Variants in CDH13 observed in about 807,000 individuals in gnomAD.
CDH13 encodes cadherin 13, also known as cadherin-13.
In CDH13, 24 loss-of-function variants were observed where a neutral mutation model predicts 63.8. The observed-to-expected ratio is 0.38, with a 90% CI of 0.27 to 0.53. The LOEUF (loss-of-function observed/expected upper bound fraction) is 0.53, where lower values mean the gene tolerates loss of function less well. CDH13 is among the 20% of genes least tolerant of loss of function. The probability of loss-of-function intolerance (pLI) is 0.85; values close to 1 mark genes in which losing one functional copy is unlikely to be tolerated. For synonymous variants in CDH13, 503 were observed against 355.3 expected (o/e 1.42, Z -4.67); for missense variants, 1,049 against 903.1 (o/e 1.16, Z -2.07).
At chr16:83,137,168 A>G (rs897731113) in intron 4 of CDH13, among the ~76,000 whole-genome samples, 1 of 152,208 alleles carries the variant, frequency 6.6e-6, no homozygotes. Context: ...AGCTGGTCTC[A>G]TGCCCAGTTT....
At chr16:83,121,977 C>CACAG (rs1555596206) in intron 3 of CDH13, among the ~76,000 whole-genome samples, 3 of 151,992 alleles carry the variant, frequency 2.0e-5, no homozygotes, top group Admixed American at 6.6e-5. Context: ...CACACACACA[C>CACAG]ACACACACAC....
At chr16:83,323,295 G>T (rs2090282689) in intron 5 of CDH13, among the ~76,000 whole-genome samples, 6 of 113,822 alleles carry the variant, frequency 5.3e-5, no homozygotes, top group South Asian at 6.7e-4. Context: ...TTTTTTTTAA[G>T]AGGGAGTTTC....
intron 5 of CDH13, among the ~76,000 whole-genome samples, chr16:83,328,154 T>C (rs902737959): frequency 7.0e-6 from 1 of 143,686 alleles, no homozygotes; most frequent in Non-Finnish European, 1.5e-5. Flanking sequence ...AGAAAAAAAA[T>C]TGAGACCTCT....
chr16:83,657,200 G>A (rs1177301245), intron 8 of CDH13, among the ~76,000 whole-genome samples: 1 of 152,190 alleles, frequency 6.6e-6, no homozygotes, highest in East Asian at 1.9e-4. Flanking sequence ...CCATATGAGT[G>A]ATGTAAAGGG....
chr16:82,845,149 A>G (rs2039205387), intron 1 of CDH13, among the ~76,000 whole-genome samples: 2 of 152,136 alleles, frequency 1.3e-5, no homozygotes, highest in South Asian at 2.1e-4. Flanking sequence ...GAACCAATAT[A>G]TTAAGGAATC....
chr16:83,597,167 G>C (rs1049074466), intron 7 of CDH13, among the ~76,000 whole-genome samples: 5 of 152,124 alleles, frequency 3.3e-5, no homozygotes, highest in Non-Finnish European at 5.9e-5. Context: ...AGGCTGCAGT[G>C]AGCTGTGATC....
chr16:82,757,262 G>C (rs1198439778), intron 1 of CDH13, among the ~76,000 whole-genome samples: 2 of 152,202 alleles, frequency 1.3e-5, no homozygotes, highest in Admixed American at 6.5e-5. Context: ...CTTGATGTAC[G>C]CACTTTGAAG....
At chr16:82,843,187 T>A (rs1016855651) in intron 1 of CDH13, among the ~76,000 whole-genome samples, 1 of 152,240 alleles carries the variant, frequency 6.6e-6, no homozygotes, top group South Asian at 2.1e-4. Flanking sequence ...TGTTCTGTGT[T>A]TCTTGAAGAT....
intron 1 of CDH13, among the ~76,000 whole-genome samples, chr16:82,761,879 G>C (rs2034870493): frequency 6.6e-6 from 1 of 151,954 alleles, no homozygotes; most frequent in Non-Finnish European, 1.5e-5. Context: ...CATCCTAGTA[G>C]GAAAAATATC....
At chr16:83,624,399 T>C (rs1231537785) in intron 8 of CDH13, among the ~76,000 whole-genome samples, 1 of 151,236 alleles carries the variant, frequency 6.6e-6, no homozygotes, top group Non-Finnish European at 1.5e-5. Context: ...ACCGGTTTCG[T>C]AGAACACAAT....
chr16:83,634,325 GT>G (rs1052849845), intron 8 of CDH13, among the ~76,000 whole-genome samples: 5 of 151,564 alleles, frequency 3.3e-5, no homozygotes, highest in African/African-American at 1.2e-4. Flanking sequence ...TTATTAACCT[GT>G]TCTCCACCTG....
intron 10 of CDH13, among the ~76,000 whole-genome samples, chr16:83,744,975 C>A (rs1233220804): frequency 6.6e-6 from 1 of 152,202 alleles, no homozygotes; most frequent in African/African-American, 2.4e-5. Context: ...CGAATCCCAA[C>A]CATGCCCCAT....
intron 7 of CDH13, among the ~76,000 whole-genome samples, chr16:83,504,733 G>A (rs1316631275): frequency 2.0e-5 from 3 of 152,166 alleles, no homozygotes; most frequent in African/African-American, 7.2e-5. Flanking sequence ...ACTGGTGTTA[G>A]GGCAGATAAT....
chr16:82,791,951 G>A (rs1273860001), intron 1 of CDH13, among the ~76,000 whole-genome samples: 5 of 152,144 alleles, frequency 3.3e-5, no homozygotes, highest in African/African-American at 1.2e-4. Context: ...CATCTTGGGA[G>A]CTCTAAGAAC....
Position 82,924,988 on chromosome 16 carries a change from G to A in CDH13, c.157+66515G>A, listed in dbSNP as rs569666784. 1.1e-4 allele frequency among the ~76,000 whole-genome samples: 16 copies of A among 152,182 alleles called. No individual in the cohort carries two copies. In the East Asian group the frequency reaches 2.1e-3, roughly 20 times the overall value. On this transcript the variant is annotated intron_variant, in intron 2 of 13. Coordinates refer to ENST00000567109, the MANE Select transcript of CDH13 (RefSeq NM_001257.5). ...AAACTTCGCATGAGACTTTAGAACC[G>A]TATACGAATAATACTCTGATTACTG...
intron 5 of CDH13, among the ~76,000 whole-genome samples, chr16:83,228,482 C>G (rs1361158953): frequency 6.6e-6 from 1 of 152,166 alleles, no homozygotes; most frequent in African/African-American, 2.4e-5. Context: ...AGTCCACACG[C>G]TAGCTGGGGC....
rs552191248 is a variant in CDH13, at chr16:83,609,256, T to C, written c.1101+6662T>C. On this transcript the variant is annotated intron_variant, in intron 8 of 13. Coordinates refer to ENST00000567109, the MANE Select transcript of CDH13 (RefSeq NM_001257.5). ...ATTATGAGATTTTTTTTTTAGCTCA[T>C]CAGCTATCATATTAGTGTATTTTAT... Among the ~76,000 whole-genome samples, 4 of 152,282 alleles carry C rather than the reference T, an allele frequency of 2.6e-5. No homozygotes were observed. In the South Asian group the frequency reaches 6.2e-4, roughly 24 times the overall value.
intron 2 of CDH13, among the ~76,000 whole-genome samples, chr16:82,969,476 TTC>T (rs1325148204): frequency 9.1e-6 from 1 of 110,114 alleles, no homozygotes; most frequent in Non-Finnish European, 1.9e-5. Flanking sequence ...TTTCTGCATA[TTC>T]TTTTTTTTTT....
intron 2 of CDH13, among the ~76,000 whole-genome samples, chr16:82,870,243 G>T (rs2040296222): frequency 6.6e-6 from 1 of 152,010 alleles, no homozygotes; most frequent in Non-Finnish European, 1.5e-5. Flanking sequence ...TCAGAGAAAT[G>T]CAAAAAAATG....
Sources: gnomAD v4.1 joint callset for allele counts (sites outside exome capture counted in the v4.1 genomes callset) on GRCh38, gnomAD v4.1.1 for gene constraint, MANE v1.5 for transcripts, NCBI Gene and HGNC (gene_info 2026-07-23, HGNC 2026-07-21) for gene names.